GLIS3: variants seen among roughly 807,000 people sequenced by gnomAD.
The protein encoded by GLIS3 is zinc finger protein GLIS3.
A neutral mutation model predicts 78.6 loss-of-function variants in GLIS3; 53 were observed. The observed-to-expected ratio is 0.67, with a 90% confidence interval of 0.54 to 0.85. The LOEUF is 0.85. Among genes scored for constraint, GLIS3 ranks in the 40% least tolerant of loss-of-function variants. GLIS3 has a pLI of 0.00. For missense variants in GLIS3, 1,703 were observed against 1,231.1 expected (o/e 1.38, Z -5.74); for synonymous variants, 684 against 509.9 (o/e 1.34, Z -4.60).
intron 6 of GLIS3, among the ~76,000 whole-genome samples, chr9:3,931,096 A>G (rs1258689732): frequency 6.6e-6 from 1 of 152,198 alleles, no homozygotes; most frequent in African/African-American, 2.4e-5. Flanking sequence ...GATTCCAATT[A>G]AAGAAATTTA....
chr9:4,158,736 A>C (rs1416008740), intron 2 of GLIS3, among the ~76,000 whole-genome samples: 2 of 152,244 alleles, frequency 1.3e-5, no homozygotes, highest in Admixed American at 6.5e-5. Context: ...ATTTTCATAA[A>C]GTGCACATTG....
chr9:4,036,132 C>G (rs1014188289), intron 4 of GLIS3: 1 of 152,190 alleles, frequency 6.6e-6, no homozygotes, highest in African/African-American at 2.4e-5. Flanking sequence ...AAAAAAGCCC[C>G]AAGTGAGGAT....
the GLIS3 span, among the ~76,000 whole-genome samples, chr9:4,399,877 A>G: frequency 3.3e-5 from 5 of 152,308 alleles, no homozygotes; most frequent in African/African-American, 1.2e-4. Context: ...AGATGGAGGG[A>G]AAAATATTTA....
upstream of GLIS3, among the ~76,000 whole-genome samples, chr9:4,302,466 T>C (rs150337938): frequency 6.6e-6 from 1 of 152,232 alleles, no homozygotes; most frequent in Non-Finnish European, 1.5e-5. Context: ...TTAACACTTG[T>C]AGGCATTGTA....
intron 1 of GLIS3, among the ~76,000 whole-genome samples, chr9:4,295,502 G>A (rs1816400756): frequency 2.6e-5 from 4 of 152,146 alleles, no homozygotes; most frequent in Admixed American, 2.0e-4. Context: ...TGTGTTGAGC[G>A]AAAGAAGCCA....
intron 4 of GLIS3, among the ~76,000 whole-genome samples, chr9:3,939,146 T>C (rs966285025): frequency 1.3e-5 from 2 of 152,208 alleles, no homozygotes; most frequent in African/African-American, 4.8e-5. Context: ...TACCCAAACC[T>C]GAGCAGGCCC....
At chr9:4,005,012 C>G (rs917118731) in intron 4 of GLIS3, among the ~76,000 whole-genome samples, 4 of 152,202 alleles carry the variant, frequency 2.6e-5, no homozygotes, top group African/African-American at 7.2e-5. Flanking sequence ...AGGCAGGAAT[C>G]TAGGCCCCTG....
intron 1 of GLIS3, among the ~76,000 whole-genome samples, chr9:4,287,335 A>G (rs1280641388): frequency 1.3e-5 from 2 of 152,194 alleles, no homozygotes; most frequent in East Asian, 3.8e-4. Context: ...AGTTCCATAA[A>G]GCTTCCTAAC....
intron 2 of GLIS3, among the ~76,000 whole-genome samples, chr9:4,128,424 C>G (rs1832732683): frequency 6.6e-6 from 1 of 152,228 alleles, no homozygotes; most frequent in African/African-American, 2.4e-5. Context: ...AGCATCTCTA[C>G]TTCCTTAGCA....
chr9:4,342,659 T>G (rs1365287838), intron 2 of GLIS3, among the ~76,000 whole-genome samples: 1 of 152,232 alleles, frequency 6.6e-6, no homozygotes, highest in Non-Finnish European at 1.5e-5. Context: ...TTAATAGGAA[T>G]AGCATTAAAT....
chr9:4,100,977 G>C (rs981280761), intron 4 of GLIS3, among the ~76,000 whole-genome samples: 1 of 152,162 alleles, frequency 6.6e-6, no homozygotes, highest in Non-Finnish European at 1.5e-5. Context: ...GGTGTGAATG[G>C]AGGAAGGAAC....
At chr9:4,378,646 G>C in the GLIS3 span, among the ~76,000 whole-genome samples, 1 of 152,162 alleles carries the variant, frequency 6.6e-6, no homozygotes, top group African/African-American at 2.4e-5. Flanking sequence ...TTTGGTTGGT[G>C]CAATGGGAAA....
At chr9:4,334,714 T>G (rs1817730897) in intron 2 of GLIS3, among the ~76,000 whole-genome samples, 1 of 152,124 alleles carries the variant, frequency 6.6e-6, no homozygotes, top group African/African-American at 2.4e-5. Context: ...ACTACTGCCC[T>G]TATGAGTCAC....
intron 2 of GLIS3, among the ~76,000 whole-genome samples, chr9:4,337,871 C>T (rs1817775824): frequency 6.6e-6 from 1 of 152,084 alleles, no homozygotes; most frequent in Admixed American, 6.6e-5. Flanking sequence ...CTATTACCCC[C>T]ATTTGAAAGA....
At chr9:4,239,040 G>A (rs903235974) in intron 2 of GLIS3, among the ~76,000 whole-genome samples, 1 of 151,570 alleles carries the variant, frequency 6.6e-6, no homozygotes, top group Non-Finnish European at 1.5e-5. Context: ...TGGCTGCATA[G>A]TATTCCATGG....
rs16920399 is a variant in GLIS3, at chr9:4,021,230, T to G, written c.1711-84041A>C. On this transcript the variant is annotated intron_variant, in intron 4 of 10. Coordinates refer to ENST00000381971, the MANE Select transcript of GLIS3 (RefSeq NM_001042413.2). ...ACTACATTAGAGATAAAAACCAACTTTGGAGGATGGTTCAAACCACATAAT... is the reference window on the plus strand; with the variant it reads ...ACTACATTAGAGATAAAAACCAACTGTGGAGGATGGTTCAAACCACATAAT... Among the ~76,000 whole-genome samples, 892 of 152,266 alleles carry G rather than the reference T, an allele frequency of 5.9e-3. 13 individuals carry two copies. The highest frequency in any genetic ancestry group is 0.033 in the East Asian group (170 of 5,184).
intron 4 of GLIS3, among the ~76,000 whole-genome samples, chr9:4,093,889 G>T (rs1222561504): frequency 1.3e-5 from 2 of 152,172 alleles, no homozygotes; most frequent in East Asian, 3.8e-4. Context: ...GTAACCCTGA[G>T]GTCTCACCTT....
At chr9:4,317,654 A>T (rs1016345664) in intron 2 of GLIS3, among the ~76,000 whole-genome samples, 1 of 152,232 alleles carries the variant, frequency 6.6e-6, no homozygotes, top group Non-Finnish European at 1.5e-5. Flanking sequence ...TATCTTTTTT[A>T]AAAATCAGCA....
intron 6 of GLIS3, among the ~76,000 whole-genome samples, chr9:3,916,443 A>AAAG (rs1284425275): frequency 3.9e-5 from 6 of 152,222 alleles, no homozygotes; most frequent in Non-Finnish European, 7.3e-5. Flanking sequence ...AATCAGGTTC[A>AAAG]AAGTATGTTT....
Sources: allele counts gnomAD v4.1 joint callset (sites outside exome capture counted in the v4.1 genomes callset), GRCh38; gene constraint gnomAD v4.1.1; transcripts MANE v1.5; gene names NCBI Gene and HGNC (gene_info 2026-07-23, HGNC 2026-07-21).